The following CLYBL variants were observed in gnomAD, a reference collection of about 807,000 sequenced individuals.
CLYBL encodes the protein citramalyl-CoA lyase.
In CLYBL, 31 loss-of-function variants were observed where a neutral mutation model predicts 38.9. That is an observed-to-expected ratio of 0.80 (90% CI 0.60 to 1.08). The LOEUF is 1.08. Ranked by LOEUF, CLYBL falls within the 50% of genes least tolerant of loss-of-function variation. The probability of loss-of-function intolerance (pLI) is 0.00; values close to 1 mark genes in which losing one functional copy is unlikely to be tolerated. For missense variants in CLYBL, 434 were observed against 411.6 expected, an observed-to-expected ratio of 1.05 and a Z score of -0.47; for synonymous variants, 171 against 158.6, an observed-to-expected ratio of 1.08 and a Z score of -0.59.
At chr13:99,704,248 G>T (rs1357752268) in intron 1 of CLYBL, among the ~76,000 whole-genome samples, 1 of 152,156 alleles carries the variant, frequency 6.6e-6, no homozygotes, top group Admixed American at 6.6e-5. Flanking sequence ...GTAAGGGAAA[G>T]ATTTATTTAT....
chr13:99,730,057 C>T (rs1422863951), intron 1 of CLYBL, among the ~76,000 whole-genome samples: 1 of 150,762 alleles, frequency 6.6e-6, no homozygotes, highest in Non-Finnish European at 1.5e-5. Flanking sequence ...CCTCCACCAC[C>T]GTTGGCCCCA....
At chr13:99,833,994 G>A (rs145191603) in intron 2 of CLYBL, among the ~76,000 whole-genome samples, 10 of 152,080 alleles carry the variant, frequency 6.6e-5, no homozygotes, top group East Asian at 1.9e-4. Flanking sequence ...GTCACCATGC[G>A]CAGCCCTGTG....
chr13:99,676,538 C>T (rs1328182416), intron 1 of CLYBL, among the ~76,000 whole-genome samples: 1 of 151,696 alleles, frequency 6.6e-6, no homozygotes, highest in Non-Finnish European at 1.5e-5. Context: ...CCTCAAGTCA[C>T]CTCAGCCTCC....
chr13:99,864,158 A>G (rs929344324), intron 4 of CLYBL, among the ~76,000 whole-genome samples: 19 of 152,166 alleles, frequency 1.2e-4, no homozygotes, highest in African/African-American at 4.3e-4. Flanking sequence ...AGCACTTACA[A>G]TGTCTGAAAT....
At chr13:99,770,080 C>CTTTTTTTTTTTTTTTTTT (rs3033589) in intron 1 of CLYBL, among the ~76,000 whole-genome samples, 1 of 103,182 alleles carries the variant, frequency 9.7e-6, no homozygotes, top group Non-Finnish European at 1.9e-5. Flanking sequence ...TCTTTTCTTT[C>CTTTTTTTTTTTTTTTTTT]TTTTTTTTTT....
intron 1 of CLYBL, among the ~76,000 whole-genome samples, chr13:99,650,034 C>T (rs942149697): frequency 3.3e-5 from 5 of 152,178 alleles, no homozygotes; most frequent in East Asian, 1.9e-4. Context: ...GAGGCCGAGG[C>T]GGGCGGATCA....
chr13:99,857,495 C>T (rs1594226646), intron 2 of CLYBL, among the ~76,000 whole-genome samples: 1 of 152,106 alleles, frequency 6.6e-6, no homozygotes, highest in East Asian at 1.9e-4. Flanking sequence ...CTAAGTTGGC[C>T]TAATTATTGG....
chr13:99,908,703 C>G (rs1451074709), exon 10 of CLYBL, among the ~76,000 whole-genome samples: 2 of 152,084 alleles, frequency 1.3e-5, no homozygotes, highest in Non-Finnish European at 2.9e-5. Context: ...ACAAGTGTGT[C>G]CAATTTAAAG....
intron 1 of CLYBL, among the ~76,000 whole-genome samples, chr13:99,617,629 A>G (rs2046732764): frequency 3.8e-5 from 2 of 52,518 alleles, no homozygotes; most frequent in South Asian, 6.6e-4. Context: ...GGCTGCCCTC[A>G]CGAACGCCTT....
intron 1 of CLYBL, among the ~76,000 whole-genome samples, chr13:99,631,012 G>A (rs755321196): frequency 1.4e-4 from 21 of 152,166 alleles, no homozygotes; most frequent in Non-Finnish European, 1.8e-4. Context: ...TTCTTTTACC[G>A]TTACCAAAAA....
intron 1 of CLYBL, among the ~76,000 whole-genome samples, chr13:99,740,134 T>C (rs1257315574): frequency 1.3e-5 from 2 of 152,244 alleles, no homozygotes; most frequent in African/African-American, 4.8e-5. Flanking sequence ...TTCTCAACCA[T>C]TTCCAAATGC....
chr13:99,814,199 C>T (rs1353594400), intron 2 of CLYBL, among the ~76,000 whole-genome samples: 3 of 152,176 alleles, frequency 2.0e-5, no homozygotes, highest in Admixed American at 2.0e-4. Context: ...ACAATTCTCT[C>T]CCTAAAGAAT....
chr13:99,738,031 A>G (rs779352378), intron 1 of CLYBL, among the ~76,000 whole-genome samples: 4 of 152,212 alleles, frequency 2.6e-5, no homozygotes, highest in Non-Finnish European at 5.9e-5. Context: ...CAAGGGCTTA[A>G]TTGCCTCCGG....
chr13:99,662,751 A>G (rs900379176), intron 1 of CLYBL, among the ~76,000 whole-genome samples: 8 of 152,228 alleles, frequency 5.3e-5, no homozygotes, highest in Non-Finnish European at 8.8e-5. Context: ...CTCACTGAGC[A>G]TTACACCAGT....
At chr13:99,716,663 C>T (rs1027758936) in intron 1 of CLYBL, among the ~76,000 whole-genome samples, 16 of 151,686 alleles carry the variant, frequency 1.1e-4, no homozygotes, top group African/African-American at 3.9e-4. Flanking sequence ...GGATTACAGG[C>T]GTGAGCCACC....
downstream of CLYBL, among the ~76,000 whole-genome samples, chr13:99,899,812 T>G (rs1042278298): frequency 1.3e-5 from 2 of 152,228 alleles, no homozygotes; most frequent in Admixed American, 6.5e-5. Context: ...ATCAAGTGAC[T>G]TCCACCCAGG....
chr13:99,682,829 C>T (rs1175737238), intron 1 of CLYBL, among the ~76,000 whole-genome samples: 4 of 151,700 alleles, frequency 2.6e-5, no homozygotes, highest in Admixed American at 6.6e-5. Context: ...CTCAGCCTCC[C>T]GAGTTCAAGT....
chr13:99,624,841 A>G lies in CLYBL; in HGVS notation c.62+18084A>G, dbSNP rs147812867. On this transcript the variant is annotated intron_variant, in intron 1 of 8. Transcript: ENST00000339105. ...GACCAGCTCAGCATCGGGAAGCTGT[A>G]TTTTAAGAAAATCATGGTCTTCCAG... Among the ~76,000 whole-genome samples the G allele has an allele frequency of 7.4e-4, 112 of 152,312 alleles. 1 individual carries two copies. Among genetic ancestry groups the G allele is most frequent in the African/African-American group, 2.6e-3 (109 of 41,572 alleles).
intron 1 of CLYBL, among the ~76,000 whole-genome samples, chr13:99,700,316 G>A (rs1169905342): frequency 4.6e-5 from 7 of 152,082 alleles, no homozygotes; most frequent in East Asian, 1.9e-4. Context: ...ATGGTGGCGC[G>A]CGCCTATGAT....
Sources: gnomAD v4.1 joint callset for allele counts (sites outside exome capture counted in the v4.1 genomes callset) on GRCh38, gnomAD v4.1.1 for gene constraint, MANE v1.5 for transcripts, NCBI Gene and HGNC (gene_info 2026-07-23, HGNC 2026-07-21) for gene names.